FGFR2: variants seen among roughly 807,000 people sequenced by gnomAD.
FGFR2 encodes the protein fibroblast growth factor receptor 2, also known as BEK fibroblast growth factor receptor.
In FGFR2, 19 loss-of-function variants were observed where a neutral mutation model predicts 95.9. That is an observed-to-expected ratio of 0.20 (90% CI 0.14 to 0.29). The LOEUF (loss-of-function observed/expected upper bound fraction) is 0.29. FGFR2 is among the 10% of genes least tolerant of loss of function. The pLI is 1.00. For missense variants in FGFR2, 707 were observed against 1,056.9 expected (o/e 0.67, Z 4.59); for synonymous variants, 392 against 393.3 (o/e 1.00, Z 0.04).
At chr10:121,546,441 A>G (rs1377270095) in intron 5 of FGFR2, among the ~76,000 whole-genome samples, 1 of 152,224 alleles carries the variant, frequency 6.6e-6, no homozygotes, top group Non-Finnish European at 1.5e-5. Flanking sequence ...TTACTATTAT[A>G]TCAATCACAT....
At chr10:121,565,768 A>G (rs1331511269) in intron 2 of FGFR2, 64 bp from the exon 3 acceptor site, 17 of 1,601,842 alleles carry the variant, frequency 1.1e-5, no homozygotes, top group Non-Finnish European at 1.5e-5. Flanking sequence ...GAGAACGTCC[A>G]ACAAAGGTCA....
intron 4 of FGFR2, among the ~76,000 whole-genome samples, chr10:121,558,876 C>A (rs935280570): frequency 6.6e-6 from 1 of 151,942 alleles, no homozygotes; most frequent in Admixed American, 6.5e-5. Context: ...CATGAGCCAC[C>A]GCGCCCGATC....
chr10:121,556,721 G>A (rs1023263297), intron 4 of FGFR2, among the ~76,000 whole-genome samples: 39 of 152,034 alleles, frequency 2.6e-4, no homozygotes, highest in African/African-American at 9.2e-4. Context: ...TGTGAGCCGC[G>A]GCCACCAATG....
At chr10:121,580,026 T>C (rs1360269380) in intron 2 of FGFR2, among the ~76,000 whole-genome samples, 1 of 152,198 alleles carries the variant, frequency 6.6e-6, no homozygotes, top group Non-Finnish European at 1.5e-5. Context: ...GCGGATACGT[T>C]TGCCCTGTAT....
intron 2 of FGFR2, among the ~76,000 whole-genome samples, chr10:121,580,749 G>A (rs115182713): frequency 0.014 from 2,144 of 152,290 alleles, 46 homozygotes; most frequent in African/African-American, 0.049. Flanking sequence ...GACATTCCAC[G>A]TTAAGAGCCG....
intron 5 of FGFR2, among the ~76,000 whole-genome samples, chr10:121,543,306 T>C (rs1381276216): frequency 6.6e-6 from 1 of 152,168 alleles, no homozygotes; most frequent in East Asian, 1.9e-4. Context: ...GGACAGGAGT[T>C]CGAGGCCAGC....
rs1484782249 is a variant in FGFR2, at chr10:121,593,755, G to C, written c.63C>G (p.Ala21=). The change falls in exon 2 of 18, where the codon GCC becomes GCG. Residue 21 remains alanine (A), a synonymous_variant. Coordinates refer to ENST00000358487, the MANE Select transcript of FGFR2 (RefSeq NM_000141.5). Reference sequence around the variant, plus strand: ...CCTCAACTAAACTGAAGGAGGGCCGGGCCAGGGACAAGGTTGCCATGGTGA... The same window carrying C: ...CCTCAACTAAACTGAAGGAGGGCCGCGCCAGGGACAAGGTTGCCATGGTGA... ...VVVTMATLSL[A]RPSFSLVEDT... 13 of 1,614,044 alleles carry C rather than the reference G, an allele frequency of 8.1e-6. No individual in the cohort carries two copies. Among genetic ancestry groups the C allele is most frequent in the Admixed American group, 1.7e-5 (1 of 59,998 alleles).
intron 12 of FGFR2, among the ~76,000 whole-genome samples, chr10:121,497,118 G>A (rs184408228): frequency 2.0e-3 from 238 of 121,612 alleles, no homozygotes; most frequent in African/African-American, 6.3e-3. Flanking sequence ...GCAACAGAGC[G>A]AGACTTTGTC....
At chr10:121,593,575 C>G in intron 2 of FGFR2, 134 bp downstream of exon 2, 2 of 787,192 alleles carry the variant, frequency 2.5e-6, no homozygotes. Flanking sequence ...TTGCCGGGAG[C>G]CAAGAGACCA....
rs553296079 is a variant in FGFR2, at chr10:121,502,646, C to T, written c.1439+1144G>A. Among the ~76,000 whole-genome samples, 186 of 152,286 alleles carry T rather than the reference C, an allele frequency of 1.2e-3. 2 individuals are homozygous for T. Among genetic ancestry groups the T allele is most frequent in the Non-Finnish European group, 1.8e-3 (125 of 68,038 alleles). ...TTGCATTTCCAAATGTGTATAGGTA[C>T]ACATGAGAAGTGTATATAATCTGAG... On this transcript the variant is annotated intron_variant, in intron 10 of 17. Transcript: ENST00000358487.
In FGFR2 at chr10:121,597,956, G is replaced by C. The variant is rs1863706249; in HGVS notation, c.-151+6C>G. 1 of 392,404 alleles carries C rather than the reference G, an allele frequency of 2.5e-6. No individual in the cohort carries two copies. Among genetic ancestry groups the C allele is most frequent in the Non-Finnish European group, 4.5e-6 (1 of 222,404 alleles). 24.3% of individuals were successfully genotyped at this position (392,404 alleles called of 1,614,324 possible). Reference sequence around the variant, plus strand: ...AGCTCCCCGAGGCGTCTTGCGCGGCGATTACCTTGAATGGCAACGCTCCTC... The same window carrying C: ...AGCTCCCCGAGGCGTCTTGCGCGGCCATTACCTTGAATGGCAACGCTCCTC... On this transcript the variant is annotated splice_donor_region_variant and intron_variant, in intron 1 of 17. Transcript: ENST00000358487.
At chr10:121,544,443 T>TAAAA (rs753310814) in intron 5 of FGFR2, among the ~76,000 whole-genome samples, 15 of 106,214 alleles carry the variant, frequency 1.4e-4, no homozygotes, top group Middle Eastern at 5.5e-3. Context: ...AACTCCGTCT[T>TAAAA]AAAAAAAAAA....
chr10:121,566,344 A>G (rs1231604559), intron 2 of FGFR2, among the ~76,000 whole-genome samples: 1 of 152,190 alleles, frequency 6.6e-6, no homozygotes, highest in Admixed American at 6.5e-5. Context: ...CCAAAATGAT[A>G]AAAGCCTAGA....
chr10:121,487,543 A>G (rs1845580411), intron 14 of FGFR2, 119 bp from the exon 15 acceptor site: 1 of 794,602 alleles, frequency 1.3e-6, no homozygotes, highest in South Asian at 1.5e-5. Flanking sequence ...TAGTCAGTCA[A>G]TAGAGCAGAA....
chr10:121,549,844 C>T (rs1313200690), intron 5 of FGFR2, among the ~76,000 whole-genome samples: 1 of 152,142 alleles, frequency 6.6e-6, no homozygotes, highest in Non-Finnish European at 1.5e-5. Context: ...TCCTTGCTTA[C>T]AGTCCTGTGA....
chr10:121,490,456 G>A (rs555800470), intron 13 of FGFR2, among the ~76,000 whole-genome samples: 16 of 152,246 alleles, frequency 1.1e-4, no homozygotes, highest in Non-Finnish European at 2.1e-4. Flanking sequence ...GAGCCACCAC[G>A]CCCGGCCTAT....
rs1331660869 is a variant in FGFR2, at chr10:121,518,477, G to A, written c.940-1014C>T. ...GGAGGCTAATCTCTAGAAGAAATTG[G>A]AGCAAGCACTTTGAACGTTGTGGGC... On this transcript the variant is annotated intron_variant, in intron 7 of 17. Coordinates refer to ENST00000358487, the MANE Select transcript of FGFR2 (RefSeq NM_000141.5). The surrounding 1 kb of genome is among the most constrained non-coding windows in gnomAD (Gnocchi z 4.0). Among the ~76,000 whole-genome samples the A allele has an allele frequency of 6.6e-6, 1 of 152,122 alleles. No homozygotes were observed. The highest frequency in any genetic ancestry group is 1.5e-5 in the Non-Finnish European group (1 of 68,016).
At chr10:121,571,478 T>C (rs958709427) in intron 2 of FGFR2, among the ~76,000 whole-genome samples, 11 of 151,414 alleles carry the variant, frequency 7.3e-5, no homozygotes, top group African/African-American at 1.9e-4. Flanking sequence ...GTTGTTGTTG[T>C]TGTATTTTAG....
intron 2 of FGFR2, among the ~76,000 whole-genome samples, chr10:121,590,105 G>A (rs1862418578): frequency 6.6e-6 from 1 of 152,218 alleles, no homozygotes; most frequent in Admixed American, 6.5e-5. Flanking sequence ...GTTGGTCCAG[G>A]AGAGCATCAC....
Sources: gnomAD v4.1 joint callset for allele counts (sites outside exome capture counted in the v4.1 genomes callset) on GRCh38, gnomAD v4.1.1 for gene constraint, Gnocchi (gnomAD v3.1) non-coding constraint, MANE v1.5 for transcripts, NCBI Gene and HGNC (gene_info 2026-07-23, HGNC 2026-07-21) for gene names.